NKAIN3: variants seen among roughly 807,000 people sequenced by gnomAD.
NKAIN3 encodes the protein sodium/potassium-transporting ATPase subunit beta-1-interacting protein 3.
In NKAIN3, 25 loss-of-function variants were observed where a neutral mutation model predicts 30.2. The ratio of observed to expected loss-of-function variants is 0.83; its 90% CI spans 0.60 to 1.16. The LOEUF is 1.16. Ranked by LOEUF, NKAIN3 falls within the 50% of genes most tolerant of loss-of-function variation. The probability of loss-of-function intolerance (pLI) is 0.00; values close to 1 mark genes in which losing one functional copy is unlikely to be tolerated. For synonymous variants in NKAIN3, 91 were observed against 89.6 expected, an observed-to-expected ratio of 1.02 and a Z score of -0.09; for missense variants, 225 against 254.1, an observed-to-expected ratio of 0.89 and a Z score of 0.78.
At chr8:62,477,190 G>A (rs1411428642) in intron 1 of NKAIN3, among the ~76,000 whole-genome samples, 1 of 152,196 alleles carries the variant, frequency 6.6e-6, no homozygotes, top group Non-Finnish European at 1.5e-5. Context: ...CCAGGTGGGA[G>A]TGCAGGCTCC....
At chr8:62,539,471 A>G (rs972277197) in intron 1 of NKAIN3, among the ~76,000 whole-genome samples, 1 of 152,222 alleles carries the variant, frequency 6.6e-6, no homozygotes, top group African/African-American at 2.4e-5. Flanking sequence ...TAAATCACCA[A>G]AATTAGAGGT....
At chr8:62,438,589 G>A (rs1489565624) in intron 1 of NKAIN3, among the ~76,000 whole-genome samples, 1 of 152,018 alleles carries the variant, frequency 6.6e-6, no homozygotes, top group African/African-American at 2.4e-5. Flanking sequence ...TGAGAAGGAG[G>A]CTCACTCTGT....
intron 1 of NKAIN3, among the ~76,000 whole-genome samples, chr8:62,446,880 T>A (rs1210360410): frequency 3.3e-5 from 5 of 152,128 alleles, no homozygotes; most frequent in Non-Finnish European, 7.4e-5. Context: ...TCTAAGTTGT[T>A]TCCACTTTTT....
intron 3 of NKAIN3, among the ~76,000 whole-genome samples, chr8:62,593,260 A>G (rs116793196): frequency 0.013 from 2,049 of 152,100 alleles, 39 homozygotes; most frequent in African/African-American, 0.042. Context: ...ATACAAGAGT[A>G]ATTTATAATT....
At chr8:62,317,119 GTTGT>G (rs1379639790) in intron 1 of NKAIN3, among the ~76,000 whole-genome samples, 3 of 152,094 alleles carry the variant, frequency 2.0e-5, no homozygotes, top group Non-Finnish European at 4.4e-5. Context: ...TTTTTGATGG[GTTGT>G]TTGTTTTTTC....
chr8:62,360,239 G>C (rs894113579), intron 1 of NKAIN3, among the ~76,000 whole-genome samples: 5 of 152,196 alleles, frequency 3.3e-5, no homozygotes, highest in African/African-American at 1.2e-4. Flanking sequence ...TCTCCAAGTG[G>C]ATGGGCTGGT....
At chr8:62,855,845 G>A (rs754441586) in intron 4 of NKAIN3, 7 of 793,504 alleles carry the variant, frequency 8.8e-6, no homozygotes, top group Non-Finnish European at 1.6e-5. Context: ...GAAATTTCTG[G>A]TCATCCAACT....
chr8:62,492,516 C>G (rs912731178), intron 1 of NKAIN3, among the ~76,000 whole-genome samples: 12 of 152,092 alleles, frequency 7.9e-5, no homozygotes, highest in African/African-American at 2.7e-4. Flanking sequence ...CACTGACATA[C>G]TAAATGCGAG....
chr8:62,616,879 G>A (rs929723453), intron 3 of NKAIN3, among the ~76,000 whole-genome samples: 1 of 152,162 alleles, frequency 6.6e-6, no homozygotes, highest in African/African-American at 2.4e-5. Context: ...ATGGTGAAAT[G>A]TAATCCCCAA....
At chr8:62,988,960 C>T (rs1824260557), downstream of NKAIN3, among the ~76,000 whole-genome samples, 3 of 152,192 alleles carry the variant, frequency 2.0e-5, no homozygotes, top group Admixed American at 2.0e-4. Flanking sequence ...CTTTCAAGTT[C>T]AGTGTTCCAC....
chr8:62,655,270 T>C (rs1317222654), intron 3 of NKAIN3, among the ~76,000 whole-genome samples: 1 of 152,184 alleles, frequency 6.6e-6, no homozygotes, highest in Non-Finnish European at 1.5e-5. Flanking sequence ...TAAATATATA[T>C]GAATGAACCT....
At chr8:62,906,396 G>C (rs1460868254) in intron 4 of NKAIN3, among the ~76,000 whole-genome samples, 8 of 152,224 alleles carry the variant, frequency 5.3e-5, no homozygotes, top group Non-Finnish European at 1.0e-4. Flanking sequence ...GCACAGAGCA[G>C]TGTGTCAGTC....
chr8:62,566,503 T>C (rs1809754381), intron 1 of NKAIN3, among the ~76,000 whole-genome samples: 2 of 152,130 alleles, frequency 1.3e-5, no homozygotes, highest in South Asian at 4.1e-4. Flanking sequence ...TAAAACCGAA[T>C]CTAAAAGGAA....
chr8:62,711,690 G>C (rs1232267788), intron 3 of NKAIN3, among the ~76,000 whole-genome samples: 1 of 151,964 alleles, frequency 6.6e-6, no homozygotes, highest in Non-Finnish European at 1.5e-5. Context: ...ACCTTTCTCT[G>C]GTCCCTCCCT....
At position 62,886,938 on chromosome 8, in the gene NKAIN3, A is replaced by T. The variant is rs1457653540; in HGVS notation, c.472-31515A>T. 4.6e-5 allele frequency among the ~76,000 whole-genome samples: 7 copies of T among 152,084 alleles called. No individual in the cohort carries two copies. In the East Asian group the frequency reaches 1.4e-3, roughly 30 times the overall value. On this transcript the variant is annotated intron_variant, in intron 4 of 6. Coordinates refer to ENST00000623646, the MANE Select transcript of NKAIN3 (RefSeq NM_001304533.3). ...AGTGTTTGGTTTTCTGTTCTGTGTT[A>T]GTTTGCTGAGGATGATGGCCTCCAG...
At chr8:62,846,498 C>A (rs939846595) in intron 4 of NKAIN3, among the ~76,000 whole-genome samples, 11 of 152,144 alleles carry the variant, frequency 7.2e-5, no homozygotes, top group Middle Eastern at 3.4e-3. Context: ...CACCCTCCAA[C>A]AGGTCCCATG....
intron 4 of NKAIN3, among the ~76,000 whole-genome samples, chr8:62,820,987 G>A (rs1818831122): frequency 6.6e-6 from 1 of 152,126 alleles, no homozygotes; most frequent in South Asian, 2.1e-4. Context: ...AAAAGCAGGA[G>A]AATTTTAATT....
chr8:62,914,409 T>G (rs1445426857), intron 4 of NKAIN3, among the ~76,000 whole-genome samples: 9 of 152,160 alleles, frequency 5.9e-5, no homozygotes. Context: ...ACTTAATACC[T>G]GCGTGATGAA....
intron 1 of NKAIN3, chr8:62,483,711 C>A: frequency 6.6e-6 from 2 of 305,186 alleles, no homozygotes; most frequent in South Asian, 7.6e-5. Context: ...CTTGCCGAGT[C>A]AATAAATTAG....
Sources: gnomAD v4.1 joint callset for allele counts (sites outside exome capture counted in the v4.1 genomes callset) on GRCh38, gnomAD v4.1.1 for gene constraint, MANE v1.5 for transcripts, NCBI Gene and HGNC (gene_info 2026-07-23, HGNC 2026-07-21) for gene names.